The following ESRRG variants were observed in gnomAD, a reference collection of about 807,000 sequenced individuals.
ESRRG encodes the protein estrogen-related receptor gamma.
ESRRG carries 13 observed loss-of-function variants against 44.0 expected under a neutral mutation model. The ratio of observed to expected loss-of-function variants is 0.30; its 90% CI spans 0.19 to 0.47. ESRRG has a LOEUF of 0.47. Ranked by LOEUF, ESRRG falls within the 20% of genes least tolerant of loss-of-function variation. The pLI is 1.00. For missense variants in ESRRG, 395 were observed against 580.6 expected (o/e 0.68, Z 3.29); for synonymous variants, 215 against 214.6 (o/e 1.00, Z -0.02).
At chr1:216,668,323 G>A (rs1559120541) in intron 2 of ESRRG, among the ~76,000 whole-genome samples, 1 of 152,046 alleles carries the variant, frequency 6.6e-6, no homozygotes, top group Non-Finnish European at 1.5e-5. Flanking sequence ...GAATACCATT[G>A]GCATATACCC....
At chr1:216,776,320 A>G (rs997875017) in intron 2 of ESRRG, among the ~76,000 whole-genome samples, 1 of 151,860 alleles carries the variant, frequency 6.6e-6, no homozygotes, top group African/African-American at 2.4e-5. Flanking sequence ...CCCAACACAC[A>G]TTTTCCCTGA....
intron 1 of ESRRG, among the ~76,000 whole-genome samples, chr1:217,063,870 C>G (rs1400668727): frequency 6.6e-6 from 1 of 152,130 alleles, no homozygotes; most frequent in Non-Finnish European, 1.5e-5. Flanking sequence ...GGTTCTCAGA[C>G]TACACTTCTT....
At chr1:217,000,228 C>A (rs570987983) in intron 1 of ESRRG, 75 of 152,274 alleles carry the variant, frequency 4.9e-4, no homozygotes, top group African/African-American at 1.6e-3. Flanking sequence ...AAACCAGTGG[C>A]TTAAAAAACA....
chr1:216,556,218 G>T (rs1265316375), intron 5 of ESRRG, among the ~76,000 whole-genome samples: 1 of 151,176 alleles, frequency 6.6e-6, no homozygotes, highest in Non-Finnish European at 1.5e-5. Context: ...CAAAAAAGAA[G>T]AGTGCCAGAA....
At chr1:216,598,531 A>T (rs972970185) in intron 3 of ESRRG, among the ~76,000 whole-genome samples, 15 of 152,216 alleles carry the variant, frequency 9.9e-5, no homozygotes, top group African/African-American at 3.6e-4. Context: ...TGAGCAGGGA[A>T]TTCTCCAGTG....
chr1:216,980,255 T>C (rs1044325985), intron 1 of ESRRG, among the ~76,000 whole-genome samples: 2 of 152,200 alleles, frequency 1.3e-5, no homozygotes, highest in Non-Finnish European at 2.9e-5. Flanking sequence ...GTTACCTCCA[T>C]GTCTGCTGCT....
intron 1 of ESRRG, among the ~76,000 whole-genome samples, chr1:216,969,108 T>C (rs763632455): frequency 6.6e-6 from 1 of 152,220 alleles, no homozygotes; most frequent in Non-Finnish European, 1.5e-5. Context: ...TAATCATTCA[T>C]TCATTCACTC....
At chr1:216,910,749 A>G (rs1028072311) in intron 2 of ESRRG, among the ~76,000 whole-genome samples, 1 of 152,238 alleles carries the variant, frequency 6.6e-6, no homozygotes, top group African/African-American at 2.4e-5. Flanking sequence ...GGTGGGGCCA[A>G]CCAAATGTGT....
chr1:216,882,189 G>C (rs377498305), intron 2 of ESRRG, among the ~76,000 whole-genome samples: 15 of 152,112 alleles, frequency 9.9e-5, no homozygotes, highest in African/African-American at 3.1e-4. Flanking sequence ...AAGGTTATGT[G>C]GGTGATGGGT....
intron 1 of ESRRG, among the ~76,000 whole-genome samples, chr1:217,036,864 T>C (rs1042762004): frequency 6.7e-6 from 1 of 150,360 alleles, no homozygotes; most frequent in African/African-American, 2.4e-5. Context: ...GTATAGGCGA[T>C]GGAAACCAGC....
At chr1:216,642,204 C>T (rs1012215752) in intron 3 of ESRRG, among the ~76,000 whole-genome samples, 2 of 152,152 alleles carry the variant, frequency 1.3e-5, no homozygotes, top group Non-Finnish European at 2.9e-5. Context: ...AACAGAATCT[C>T]TCTAAGCTTC....
At chr1:216,825,528 C>A (rs2095376166) in intron 2 of ESRRG, among the ~76,000 whole-genome samples, 1 of 152,014 alleles carries the variant, frequency 6.6e-6, no homozygotes, top group African/African-American at 2.4e-5. Flanking sequence ...AGAAGGAAGG[C>A]ACAGCCAGAA....
At chr1:217,040,214 A>G (rs2083596547) in intron 1 of ESRRG, among the ~76,000 whole-genome samples, 1 of 152,174 alleles carries the variant, frequency 6.6e-6, no homozygotes, top group Non-Finnish European at 1.5e-5. Context: ...AAAATGGGTT[A>G]TTTAGACGGT....
intron 1 of ESRRG, among the ~76,000 whole-genome samples, chr1:216,971,089 C>A (rs1482395835): frequency 2.0e-5 from 3 of 152,060 alleles, no homozygotes; most frequent in Non-Finnish European, 4.4e-5. Flanking sequence ...ACCCTCATTC[C>A]AATAGTTATC....
At chr1:217,088,050 GA>G (rs199738951) in intron 1 of ESRRG, among the ~76,000 whole-genome samples, 23,120 of 143,272 alleles carry the variant, frequency 0.16, 2,134 homozygotes, top group Admixed American at 0.23. Flanking sequence ...TGCTGGACAG[GA>G]AAAAAAAAAA....
intron 1 of ESRRG, among the ~76,000 whole-genome samples, chr1:216,696,613 TA>T (rs2080210504): frequency 6.6e-6 from 1 of 152,168 alleles, no homozygotes; most frequent in African/African-American, 2.4e-5. Context: ...CATAGGATAA[TA>T]AAACATACTA....
At chr1:216,825,389 C>T (rs542442705) in intron 2 of ESRRG, among the ~76,000 whole-genome samples, 116 of 152,176 alleles carry the variant, frequency 7.6e-4, no homozygotes, top group Non-Finnish European at 1.3e-3. Context: ...CAGTAATAGG[C>T]AAATTGGGTT....
intron 2 of ESRRG, chr1:216,863,039 A>T (rs1260980611): frequency 6.6e-6 from 1 of 152,230 alleles, no homozygotes; most frequent in Non-Finnish European, 1.5e-5. Context: ...ACTGTTTTGT[A>T]CAAAATACAT....
chr1:217,074,425 C>T (rs1205175090), intron 1 of ESRRG, among the ~76,000 whole-genome samples: 1 of 142,902 alleles, frequency 7.0e-6, no homozygotes, highest in Admixed American at 7.1e-5. Flanking sequence ...AGCCTCAATA[C>T]CCACAGTATC....
Sources: gnomAD v4.1 joint callset for allele counts (sites outside exome capture counted in the v4.1 genomes callset) on GRCh38, gnomAD v4.1.1 for gene constraint, MANE v1.5 for transcripts, NCBI Gene and HGNC (gene_info 2026-07-23, HGNC 2026-07-21) for gene names.